RRP12: variants seen among roughly 807,000 people sequenced by gnomAD.
The protein encoded by RRP12 is ribosomal RNA processing 12 homolog.
RRP12 carries 78 observed loss-of-function variants against 157.3 expected under a neutral mutation model. The ratio of observed to expected loss-of-function variants is 0.50; its 90% CI spans 0.41 to 0.60. The LOEUF (loss-of-function observed/expected upper bound fraction) is 0.60, where lower values mean the gene tolerates loss of function less well. Among genes scored for constraint, RRP12 ranks in the 20% least tolerant of loss-of-function variants. The pLI is 0.00. For missense variants in RRP12, 1,521 were observed against 1,679.9 expected (o/e 0.91, Z 1.65); for synonymous variants, 726 against 670.9 (o/e 1.08, Z -1.27).
intron 23 of RRP12, 38 bp downstream of exon 23, chr10:97,370,417 A>G (rs541101482): frequency 9.4e-6 from 14 of 1,487,322 alleles, no homozygotes; most frequent in East Asian, 9.1e-5. Context: ...CACCCAGTCT[A>G]TGAGCAGAGT....
In RRP12 at chr10:97,385,204, C is replaced by G. The variant is rs776543649; in HGVS notation, c.1170G>C (p.Trp390Cys). The change falls in exon 10 of 34, where the codon TGG (tryptophan) becomes TGC (cysteine). Residue 390 changes from tryptophan (W) to cysteine (C), a missense_variant. Physicochemically the swap from Trp to Cys is radical, Grantham distance 215 (BLOSUM62 -2). Transcript: ENST00000370992. ...SENDLQPLLAWLKVMEKAHIN... is the reference protein window; with the variant it reads ...SENDLQPLLACLKVMEKAHIN... ...TGTGGGCTTTCTCCATGACCTTAAGCCAGGCTAGCAGGGGTTGTAAATCAT... is the reference window on the plus strand; with the variant it reads ...TGTGGGCTTTCTCCATGACCTTAAGGCAGGCTAGCAGGGGTTGTAAATCAT... The G allele has an allele frequency of 4.3e-6, 7 of 1,614,020 alleles. No individual in the cohort carries two copies. The African/African-American group carries it at 9.3e-5, about 22-fold the overall frequency.
chr10:97,390,248 G>A (rs1359047596), intron 6 of RRP12, among the ~76,000 whole-genome samples, 175 bp downstream of exon 6: 1 of 152,218 alleles, frequency 6.6e-6, no homozygotes, highest in African/African-American at 2.4e-5. Context: ...CCTCCTGGAG[G>A]AGGAAGAGCC....
chr10:97,391,926 G>GA (rs1844816598), intron 4 of RRP12, among the ~76,000 whole-genome samples: 1 of 150,966 alleles, frequency 6.6e-6, no homozygotes, highest in Non-Finnish European at 1.5e-5. Flanking sequence ...TCTCAAAAAG[G>GA]AAAAAAACAA....
intron 25 of RRP12, among the ~76,000 whole-genome samples, chr10:97,367,594 A>G: frequency 6.6e-6 from 1 of 152,036 alleles, no homozygotes; most frequent in East Asian, 1.9e-4. Flanking sequence ...TTGGTCCCCT[A>G]TGTCCCTTCC....
chr10:97,400,630 A>C, intron 1 of RRP12, 96 bp from the exon 2 acceptor site: 47 of 940,962 alleles, frequency 5.0e-5, no homozygotes, highest in Non-Finnish European at 6.5e-5. Flanking sequence ...CCAAATCTCC[A>C]ACCCGAGAGG....
intron 6 of RRP12, among the ~76,000 whole-genome samples, chr10:97,389,079 G>A (rs1844722699): frequency 6.6e-6 from 1 of 152,114 alleles, no homozygotes; most frequent in Non-Finnish European, 1.5e-5. Context: ...AGATAACCAA[G>A]CAGGGGCTGC....
chr10:97,396,186 T>C, intron 3 of RRP12, 32 bp downstream of exon 3: 1 of 1,512,498 alleles, frequency 6.6e-7, no homozygotes, highest in South Asian at 1.1e-5. Context: ...CCTGCTGCTC[T>C]GAACACCCAC....
At chr10:97,388,135 G>C (rs1324873365) in intron 8 of RRP12, 117 bp downstream of exon 8, 2 of 1,382,370 alleles carry the variant, frequency 1.4e-6, no homozygotes, top group East Asian at 2.3e-5. Context: ...GTTGGTTTTA[G>C]CTTAAGAACA....
Position 97,366,228 on chromosome 10 carries a change from G to T in RRP12, c.3397C>A (p.Gln1133Lys). 6.2e-7 allele frequency: 1 copy of T among 1,611,618 alleles called. No homozygotes were observed. The highest frequency in any genetic ancestry group is 1.1e-5 in the South Asian group (1 of 91,066). The change falls in exon 29 of 34, where the codon CAG becomes AAG. Residue 1133 changes from glutamine (Q) to lysine (K), a missense_variant. Physicochemically the swap from Gln to Lys is moderately conservative, Grantham distance 53 (BLOSUM62 1). Coordinates refer to ENST00000370992, the MANE Select transcript of RRP12 (RefSeq NM_015179.4). ...PKVAQRVLAT[Q>K]PGPGRGRKKD... ...TTCCTGCCCCGGCCTGGCCCTGGCT[G>T]CGTGGCTGGGGTGTAGAGTTTGGCA... is the stretch of plus-strand genomic sequence containing the variant.
intron 6 of RRP12, 68 bp downstream of exon 6, chr10:97,390,355 T>A (rs761679590): frequency 1.6e-6 from 2 of 1,234,124 alleles, no homozygotes; most frequent in African/African-American, 1.5e-5. Context: ...GCTAGCCAAG[T>A]CTGGGCTGCA....
At chr10:97,387,941 CAAAAAAAAAA>C (rs56225985) in intron 8 of RRP12, 375 of 98,710 alleles carry the variant, frequency 3.8e-3, no homozygotes, top group South Asian at 0.011. Flanking sequence ...AACTCGGTCT[CAAAAAAAAAA>C]AAAAAAAAAA....
At chr10:97,364,228 A>G (rs1251359052) in intron 29 of RRP12, among the ~76,000 whole-genome samples, 1 of 152,062 alleles carries the variant, frequency 6.6e-6, no homozygotes, top group Non-Finnish European at 1.5e-5. Context: ...AGAAAGCCCC[A>G]GGTTTCCGGG....
Position 97,381,396 on chromosome 10 carries a change from T to C in RRP12, c.1408A>G (p.Lys470Glu). 6.2e-7 allele frequency: 1 copy of C among 1,610,266 alleles called. No individual in the cohort carries two copies. Among genetic ancestry groups the C allele is most frequent in the Non-Finnish European group, 8.5e-7 (1 of 1,178,526 alleles). The change falls in exon 12 of 34, where the codon AAG becomes GAG. Residue 470 changes from lysine to glutamate, a missense_variant. Lys to Glu is a moderately conservative substitution (Grantham distance 56). Transcript: ENST00000370992. ...SASGPAQSVA[K>E]MFRAVEEGLT... ...ACCCCATATCCTCACCTGAACATCT[T>C]GGCAACAGATTGGGCAGGGCCTGAG... is the stretch of plus-strand genomic sequence containing the variant.
At chr10:97,390,206 C>T (rs1266404950) in intron 6 of RRP12, among the ~76,000 whole-genome samples, 1 of 152,176 alleles carries the variant, frequency 6.6e-6, no homozygotes, top group East Asian at 1.9e-4. Context: ...TGATGAGGCA[C>T]CAGAGACTCA....
chr10:97,370,343 G>A, intron 23 of RRP12, 69 bp from the exon 24 acceptor site: 1 of 1,384,522 alleles, frequency 7.2e-7, no homozygotes, highest in Middle Eastern at 1.8e-4. Flanking sequence ...GGGCCAGAGA[G>A]GAGCAGCCTG....
intron 15 of RRP12, 46 bp downstream of exon 15, chr10:97,379,247 G>T (rs774475685): frequency 6.2e-7 from 1 of 1,607,812 alleles, no homozygotes; most frequent in South Asian, 1.1e-5. Context: ...GAGGTTCCAG[G>T]ACTGTGGGGA....
chr10:97,363,734 G>T, intron 30 of RRP12, 120 bp downstream of exon 30: 1 of 905,558 alleles, frequency 1.1e-6, no homozygotes, highest in Non-Finnish European at 1.8e-6. Flanking sequence ...CACCTGTGAG[G>T]ATGCACCGAG....
Position 97,379,720 on chromosome 10 carries a change from C to G in RRP12, c.1584G>C (p.Thr528=). ...CCCCCACTGCCTGGTCAAGAGCCGC[C>G]GTGTGGGGGAAATGAGGGGAGAGGC... The part of the protein sequence containing the change: ...DLRLSPHFPH[T]AALDQAVGAA... The change falls in exon 14 of 34, where the codon ACG becomes ACC. Residue 528 remains threonine (T), a synonymous_variant. Transcript: ENST00000370992. The G allele has an allele frequency of 6.2e-7, 1 of 1,613,856 alleles. No homozygotes were observed.
intron 25 of RRP12, among the ~76,000 whole-genome samples, chr10:97,368,658 AG>A (rs1214251696): frequency 2.6e-5 from 4 of 152,202 alleles, no homozygotes; most frequent in African/African-American, 9.6e-5. Flanking sequence ...GCAGCCGGCC[AG>A]GGCTTGTATA....
Sources: allele counts gnomAD v4.1 joint callset (sites outside exome capture counted in the v4.1 genomes callset), GRCh38; gene constraint gnomAD v4.1.1; transcripts MANE v1.5; gene names NCBI Gene and HGNC (gene_info 2026-07-23, HGNC 2026-07-21).